CRAT: variants seen among roughly 807,000 people sequenced by gnomAD.
CRAT encodes carnitine acetylase.
Under a neutral mutation model 73.7 loss-of-function variants are expected in CRAT, and 66 were observed. The ratio of observed to expected loss-of-function variants is 0.90; its 90% CI spans 0.73 to 1.10. The LOEUF is 1.10. Among genes scored for constraint, CRAT ranks in the 50% least tolerant of loss-of-function variants. CRAT has a pLI of 0.00. For synonymous variants in CRAT, 321 were observed against 343.2 expected (o/e 0.94, Z 0.71); for missense variants, 745 against 846.9 (o/e 0.88, Z 1.49).
intron 2 of CRAT, among the ~76,000 whole-genome samples, chr9:129,105,403 C>G (rs1032170487): frequency 6.6e-6 from 1 of 152,112 alleles, no homozygotes; most frequent in Admixed American, 6.6e-5. Context: ...TCACTGCAAC[C>G]TCCACCTCCT....
intron 12 of CRAT, 138 bp downstream of exon 12, chr9:129,097,112 C>G: frequency 1.5e-6 from 1 of 649,530 alleles, no homozygotes; most frequent in Non-Finnish European, 2.5e-6. Flanking sequence ...CAGCCTGGCT[C>G]CAGGTGCTCC....
chr9:129,095,647 T>C, intron 13 of CRAT, 35 bp from the exon 14 acceptor site: 1 of 1,588,386 alleles, frequency 6.3e-7, no homozygotes, highest in Non-Finnish European at 8.6e-7. Context: ...TCAGCTCCCC[T>C]ACCTTGACGC....
At chr9:129,099,777 G>T in intron 8 of CRAT, 89 bp downstream of exon 8, 2 of 1,037,476 alleles carry the variant, frequency 1.9e-6, no homozygotes, top group Non-Finnish European at 2.9e-6. Flanking sequence ...ACAAAGGAGA[G>T]TGATATTTCT....
At chr9:129,101,189 A>G (rs1027848141) in intron 6 of CRAT, among the ~76,000 whole-genome samples, 2 of 152,226 alleles carry the variant, frequency 1.3e-5, no homozygotes, top group African/African-American at 4.8e-5. Context: ...CTCAACTAGG[A>G]CATGGGGCCC....
rs773745630 is a variant in CRAT, at chr9:129,095,579, C to T, written c.1699G>A (p.Gly567Arg). 22 of 1,613,058 alleles carry T rather than the reference C, an allele frequency of 1.4e-5. No individual in the cohort carries two copies. Among genetic ancestry groups the T allele is most frequent in the East Asian group, 4.5e-5 (2 of 44,872 alleles). Reference protein sequence around the residue: ...PAKTDCVMFFGPVVPDGYGVC... With the variant: ...PAKTDCVMFFRPVVPDGYGVC... ...CCGTAGCCGTCGGGGACCACGGGCCCGAAGAACATGACACAGTCTGTCTTG... is the reference window on the plus strand; with the variant it reads ...CCGTAGCCGTCGGGGACCACGGGCCTGAAGAACATGACACAGTCTGTCTTG... Residue 567 changes from glycine (G) to arginine (R), a missense_variant, in exon 14 of 14, where the codon GGG becomes AGG. Transcript: ENST00000318080.
At chr9:129,105,912 C>G (rs1247361457) in intron 2 of CRAT, among the ~76,000 whole-genome samples, 1 of 152,064 alleles carries the variant, frequency 6.6e-6, no homozygotes, top group African/African-American at 2.4e-5. Context: ...CCATGTCTGG[C>G]GCTGCGCACA....
At chr9:129,101,451 G>C (rs1847666781) in intron 6 of CRAT, among the ~76,000 whole-genome samples, 1 of 152,232 alleles carries the variant, frequency 6.6e-6, no homozygotes, top group African/African-American at 2.4e-5. Flanking sequence ...TGTGTTCAAG[G>C]AGAAAGACAC....
Position 129,095,063 on chromosome 9 carries a change from C to A in CRAT, c.*334G>T, listed in dbSNP as rs1019028508. The A allele has an allele frequency of 1.1e-5, 4 of 368,610 alleles. No individual in the cohort carries two copies. The highest frequency in any genetic ancestry group is 4.2e-5 in the Admixed American group (1 of 23,928). 22.8% of individuals were successfully genotyped at this position (368,610 alleles called of 1,614,324 possible). A position where few individuals can be genotyped will look rare whatever the true frequency, so the allele number is the denominator to read the frequency against. On this transcript the variant is annotated 3_prime_UTR_variant, in exon 14 of 14. Coordinates refer to ENST00000318080, the MANE Select transcript of CRAT (RefSeq NM_000755.5). ...AGTGGCCGGGGCTGAGCTGGTGAGA[C>A]AAAGAGCTCTTGCCAGTCTCCTGCT...
At chr9:129,102,760 G>A (rs746871) in intron 4 of CRAT, among the ~76,000 whole-genome samples, 195 bp from the exon 5 acceptor site, 5,910 of 152,200 alleles carry the variant, frequency 0.039, 386 homozygotes, top group African/African-American at 0.14. Context: ...CTGTTCAGAA[G>A]TCATCTAGAA....
chr9:129,096,596 C>T (rs1209390164), intron 12 of CRAT, among the ~76,000 whole-genome samples: 2 of 152,250 alleles, frequency 1.3e-5, no homozygotes, highest in African/African-American at 4.8e-5. Context: ...TCCCTGACTG[C>T]AGCCCAAGCT....
intron 8 of CRAT, 140 bp downstream of exon 8, chr9:129,099,726 A>AT: frequency 1.6e-6 from 1 of 621,486 alleles, no homozygotes; most frequent in Non-Finnish European, 2.7e-6. Flanking sequence ...GTGAGCCACC[A>AT]TATCTGGCTG....
rs770400669 is a variant in CRAT, at chr9:129,107,236, G to T, written c.291+578C>A. ...TTTAGTAGAGACAGGGTTTCATCAT[G>T]TTGGCCAGGCTGGTCCCGAACTCCT... On this transcript the variant is annotated intron_variant, in intron 2 of 13. Coordinates refer to ENST00000318080, the MANE Select transcript of CRAT (RefSeq NM_000755.5). This position sits in a 1 kb window ranked among gnomAD's most constrained non-coding sequence, Gnocchi z 5.0. The T allele has an allele frequency of 3.0e-5, 6 of 196,824 alleles. No homozygotes were observed. Among genetic ancestry groups the T allele is most frequent in the Non-Finnish European group, 6.2e-5 (6 of 96,660 alleles). The allele number at this position is 196,824 out of a possible 1,614,324, so 12.2% of individuals were successfully genotyped here. A position where few individuals can be genotyped will look rare whatever the true frequency, so the allele number is the denominator to read the frequency against.
chr9:129,102,349 G>A, intron 5 of CRAT, 51 bp downstream of exon 5: 1 of 1,609,324 alleles, frequency 6.2e-7, no homozygotes, highest in Non-Finnish European at 8.5e-7. Flanking sequence ...CCGTCCGGCT[G>A]TACTCCTGCA....
At position 129,095,570 on chromosome 9, in the gene CRAT, C is replaced by T. The variant is rs1281745760; in HGVS notation, c.1708G>A (p.Val570Ile). Residue 570 changes from valine to isoleucine, a missense_variant, in exon 14 of 14, where the codon GTC becomes ATC. Transcript: ENST00000318080. ...TAGCAGACACCGTAGCCGTCGGGGA[C>T]CACGGGCCCGAAGAACATGACACAG... is the stretch of plus-strand genomic sequence containing the variant. ...TDCVMFFGPV[V>I]PDGYGVCYNP... is the part of the protein sequence containing the mutation. 7 of 1,613,190 alleles carry T rather than the reference C, an allele frequency of 4.3e-6. No individual in the cohort carries two copies. In the African/African-American group the frequency reaches 9.3e-5, roughly 22 times the overall value.
At chr9:129,101,421 G>A (rs1475947126) in intron 6 of CRAT, among the ~76,000 whole-genome samples, 1 of 152,196 alleles carries the variant, frequency 6.6e-6, no homozygotes, top group Non-Finnish European at 1.5e-5. Flanking sequence ...AGCGAGACCC[G>A]CTCTCCTATC....
In CRAT at chr9:129,107,056, C is replaced by CAA. The variant is rs1413659046; in HGVS notation, c.291+757_291+758insTT. ...GGGTCACCTTTTTTTTTTCCCAAGA[C>CAA]AGAGTCTTGCTCTGTCGCCCAGGCT... On this transcript the variant is annotated intron_variant, in intron 2 of 13. Transcript: ENST00000318080. This position sits in a 1 kb window ranked among gnomAD's most constrained non-coding sequence, Gnocchi z 5.0. Among the ~76,000 whole-genome samples the CAA allele has an allele frequency of 1.3e-5, 2 of 151,876 alleles. No homozygotes were observed. Among genetic ancestry groups the CAA allele is most frequent in the Non-Finnish European group, 2.9e-5 (2 of 67,938 alleles).
At position 129,098,514 on chromosome 9, in the gene CRAT, CG is replaced by C; in HGVS notation, c.1205+16del. The C allele has an allele frequency of 6.2e-7, 1 of 1,601,706 alleles. No homozygotes were observed. The highest frequency in any genetic ancestry group is 8.5e-7 in the Non-Finnish European group (1 of 1,174,954). On this transcript the variant is annotated intron_variant, in intron 9 of 13. Coordinates refer to ENST00000318080, the MANE Select transcript of CRAT (RefSeq NM_000755.5). ...CCTCACCCATCCAGCACAGGGATGG[CG>C]GGGGCAGGCACTTACATGCTGAGGT...
chr9:129,104,507 G>A (rs1847879081), intron 2 of CRAT, among the ~76,000 whole-genome samples: 2 of 151,876 alleles, frequency 1.3e-5, no homozygotes, highest in Admixed American at 1.3e-4. Flanking sequence ...CGAGTGATCA[G>A]TATTAGCCAG....
At position 129,095,657 on chromosome 9, in the gene CRAT, C is replaced by A. The variant is rs774318334; in HGVS notation, c.1666-45G>T. ...AGCTCTCAGCTCCCCTACCTTGACG[C>A]CCCCAGCACTTCCCAGGCTGCCTGT... On this transcript the variant is annotated intron_variant, in intron 13 of 13. Coordinates refer to ENST00000318080, the MANE Select transcript of CRAT (RefSeq NM_000755.5). 8.3e-6 allele frequency: 13 copies of A among 1,568,036 alleles called. No homozygotes were observed. In the East Asian group the frequency reaches 2.3e-4, roughly 28 times the overall value.
Sources: allele counts gnomAD v4.1 joint callset (sites outside exome capture counted in the v4.1 genomes callset), GRCh38; gene constraint gnomAD v4.1.1; non-coding constraint Gnocchi (gnomAD v3.1); transcripts MANE v1.5; gene names NCBI Gene and HGNC (gene_info 2026-07-23, HGNC 2026-07-21).